The following RGR variants were observed in gnomAD, a reference collection of about 807,000 sequenced individuals.
RGR encodes the protein RPE-retinal G protein-coupled receptor.
Under a neutral mutation model 28.6 loss-of-function variants are expected in RGR, and 30 were observed. The ratio of observed to expected loss-of-function variants is 1.05; its 90% confidence interval spans 0.78 to 1.42. The LOEUF (loss-of-function observed/expected upper bound fraction) is 1.42, where lower values mean the gene tolerates loss of function less well. Among genes scored for constraint, RGR ranks in the 40% most tolerant of loss-of-function variants. RGR has a pLI of 0.00. For missense variants in RGR, 404 were observed against 375.6 expected (o/e 1.08, Z -0.62); for synonymous variants, 180 against 156.4 (o/e 1.15, Z -1.13).
At chr10:84,249,642 T>C (rs1372235259) in intron 3 of RGR, among the ~76,000 whole-genome samples, 2 of 152,238 alleles carry the variant, frequency 1.3e-5, no homozygotes, top group Non-Finnish European at 2.9e-5. Context: ...CTCAGTTTTA[T>C]TTTGAAAATG....
chr10:84,248,199 C>G, intron 2 of RGR: 4 of 1,243,620 alleles, frequency 3.2e-6, no homozygotes, highest in Non-Finnish European at 4.2e-6. Context: ...ATCACCACTA[C>G]TGCACCCGTA....
At chr10:84,249,074 C>T (rs751754554) in intron 3 of RGR, 31 bp downstream of exon 3, 2 of 1,612,992 alleles carry the variant, frequency 1.2e-6, no homozygotes, top group East Asian at 4.5e-5. Flanking sequence ...AGTGGAGGGA[C>T]ACCGATGCAG....
intron 2 of RGR, 106 bp downstream of exon 2, chr10:84,247,853 TG>T (rs1842767372): frequency 1.3e-6 from 2 of 1,540,252 alleles, no homozygotes; most frequent in Non-Finnish European, 1.8e-6. Flanking sequence ...TACAGAAAAT[TG>T]GCCAAGGGCA....
intron 4 of RGR, among the ~76,000 whole-genome samples, chr10:84,253,484 G>C (rs1357454116): frequency 1.3e-5 from 2 of 152,176 alleles, no homozygotes. Flanking sequence ...AGGACAGAAT[G>C]CATGAGGGTC....
chr10:84,253,082 G>A, intron 4 of RGR, 72 bp downstream of exon 4: 1 of 1,531,218 alleles, frequency 6.5e-7, no homozygotes, highest in South Asian at 1.2e-5. Context: ...TGACAAGGGT[G>A]CCCCAGCTGA....
At position 84,258,557 on chromosome 10, in the gene RGR, A is replaced by C. The variant is rs371107677; in HGVS notation, c.794A>C (p.Tyr265Ser). The C allele has an allele frequency of 1.9e-6, 3 of 1,614,178 alleles. No homozygotes were observed. Among genetic ancestry groups the C allele is most frequent in the Non-Finnish European group, 2.5e-6 (3 of 1,180,032 alleles). Residue 265 changes from tyrosine (Y) to serine (S), a missense_variant, in exon 7 of 7, where the codon TAT (tyrosine) becomes TCT (serine). Physicochemically the swap from Tyr to Ser is moderately radical, Grantham distance 144. Coordinates refer to ENST00000652092, the MANE Select transcript of RGR (RefSeq NM_001012720.2). ...KMVPTINAIN[Y>S]ALGNEMVCRG... ...GTGCCCACGATCAATGCCATCAACT[A>C]TGCCCTGGGCAATGAGATGGTCTGC...
chr10:84,249,297 T>A (rs1842786630), intron 3 of RGR, among the ~76,000 whole-genome samples: 1 of 152,150 alleles, frequency 6.6e-6, no homozygotes, highest in African/African-American at 2.4e-5. Context: ...TGAACCTTAG[T>A]CTCCTCCTCT....
intron 3 of RGR, among the ~76,000 whole-genome samples, chr10:84,252,649 C>T (rs1842832959): frequency 6.6e-6 from 1 of 152,158 alleles, no homozygotes. Flanking sequence ...CCTCTCTCAG[C>T]CTCAATTTTT....
intron 3 of RGR, 65 bp downstream of exon 3, chr10:84,249,108 A>G: frequency 6.2e-7 from 1 of 1,601,040 alleles, no homozygotes; most frequent in Admixed American, 1.7e-5. Context: ...AGAGGCAGGG[A>G]GGGGCAGTCA....
At position 84,252,981 on chromosome 10, in the gene RGR, C is replaced by T; in HGVS notation, c.483C>T (p.Cys161=). The change falls in exon 4 of 7, where the codon TGC becomes TGT. Residue 161 remains cysteine (C), a synonymous_variant. Transcript: ENST00000652092. ...GHYDYEPLGT[C]CTLDYSKGDR... is the part of the protein sequence containing the mutation. ...ACGACTATGAGCCACTGGGGACATG[C>T]TGCACCCTGGACTACTCCAAGGGGG... 10 of 1,613,908 alleles carry T rather than the reference C, an allele frequency of 6.2e-6. No individual in the cohort carries two copies. The highest frequency in any genetic ancestry group is 8.5e-6 in the Non-Finnish European group (10 of 1,180,024).
intron 6 of RGR, 147 bp from the exon 7 acceptor site, chr10:84,258,360 TC>T (rs1842913617): frequency 7.6e-7 from 1 of 1,322,670 alleles, no homozygotes; most frequent in African/African-American, 1.4e-5. Context: ...GAGCCATGCA[TC>T]TCCACCAACT....
chr10:84,257,417 C>A (rs1236686197), intron 5 of RGR, among the ~76,000 whole-genome samples: 1 of 152,196 alleles, frequency 6.6e-6, no homozygotes, highest in Non-Finnish European at 1.5e-5. Flanking sequence ...CACGCAGTCA[C>A]AGAGCCCAGG....
At chr10:84,248,684 G>C (rs1170395000) in intron 2 of RGR, 3 of 628,436 alleles carry the variant, frequency 4.8e-6, no homozygotes, top group Middle Eastern at 4.3e-4. Context: ...CGCAGAGAGA[G>C]CCTATGGCCC....
At chr10:84,257,177 G>A (rs1007795604) in intron 5 of RGR, among the ~76,000 whole-genome samples, 2 of 152,220 alleles carry the variant, frequency 1.3e-5, no homozygotes, top group East Asian at 1.9e-4. Flanking sequence ...TGTTTGTGCG[G>A]GGCTGGAACT....
Position 84,258,717 on chromosome 10 carries a change from A to G in RGR, c.*78A>G. The stretch of plus-strand genomic sequence containing the variant: ...CCCAGCAGCCTCAGTGGCCAAGCCC[A>G]GACACTCACCCACCTTCCCCAGTGG... On this transcript the variant is annotated 3_prime_UTR_variant, in exon 7 of 7. Coordinates refer to ENST00000652092, the MANE Select transcript of RGR (RefSeq NM_001012720.2). 1.2e-6 allele frequency: 2 copies of G among 1,600,620 alleles called. No homozygotes were observed. Among genetic ancestry groups the G allele is most frequent in the Non-Finnish European group, 1.7e-6 (2 of 1,173,206 alleles).
chr10:84,258,135 C>T lies in RGR; in HGVS notation c.744+129C>T, dbSNP rs188426170. 6.7e-6 allele frequency: 6 copies of T among 889,652 alleles called. No individual in the cohort carries two copies. In the Admixed American group the frequency reaches 1.2e-4, roughly 18 times the overall value. The allele number at this position is 889,652 out of a possible 1,614,324, so 55.1% of individuals were successfully genotyped here. A position where few individuals can be genotyped will look rare whatever the true frequency, so the allele number is the denominator to read the frequency against. ...CTTTCTGTGTTTCTTCCTTTGGATA[C>T]TCACAAGGCATAGAGCATTAGTTTG... On this transcript the variant is annotated intron_variant, in intron 6 of 6. Coordinates refer to ENST00000652092, the MANE Select transcript of RGR (RefSeq NM_001012720.2).
chr10:84,256,203 G>C (rs1842885656), intron 5 of RGR, among the ~76,000 whole-genome samples: 1 of 150,608 alleles, frequency 6.6e-6, no homozygotes, highest in Admixed American at 6.6e-5. Flanking sequence ...CTAGTAGCTG[G>C]GATTATAGGC....
rs777166801 is a variant in RGR, at chr10:84,247,576, C to T, written c.80-15C>T. On this transcript the variant is annotated splice_polypyrimidine_tract_variant and intron_variant, in intron 1 of 6. Transcript: ENST00000652092. ...CCTCAGCAGCCCCAATGCCAGCCCC[C>T]ACCCTTCCTTTCAGCTCTCTCCGGT... 4 of 1,614,114 alleles carry T rather than the reference C, an allele frequency of 2.5e-6. No homozygotes were observed. The African/African-American group carries it at 4.0e-5, about 16-fold the overall frequency.
intron 3 of RGR, among the ~76,000 whole-genome samples, chr10:84,251,195 A>C (rs11200941): frequency 0.039 from 5,984 of 152,276 alleles, 424 homozygotes; most frequent in African/African-American, 0.14. Context: ...AGATCACGCC[A>C]CTGCACTCCA....
Sources: allele counts gnomAD v4.1 joint callset (sites outside exome capture counted in the v4.1 genomes callset), GRCh38; gene constraint gnomAD v4.1.1; transcripts MANE v1.5; gene names NCBI Gene and HGNC (gene_info 2026-07-23, HGNC 2026-07-21).